AGBL1: variants seen among roughly 807,000 people sequenced by gnomAD.
The protein encoded by AGBL1 is AGBL carboxypeptidase 1, also known as cytosolic carboxypeptidase 4.
A neutral mutation model predicts 118.9 loss-of-function variants in AGBL1; 130 were observed. That is an observed-to-expected ratio of 1.09 (90% confidence interval 0.95 to 1.26). AGBL1 has a LOEUF of 1.26. AGBL1 is among the 50% of genes most tolerant of loss of function. The probability of loss-of-function intolerance (pLI) is 0.00; values close to 1 mark genes in which losing one functional copy is unlikely to be tolerated. For synonymous variants in AGBL1, 555 were observed against 478.9 expected (o/e 1.16, Z -2.08); for missense variants, 1,584 against 1,298.1 (o/e 1.22, Z -3.38).
At chr15:86,754,361 T>C (rs1052175646) in intron 22 of AGBL1, among the ~76,000 whole-genome samples, 3 of 152,102 alleles carry the variant, frequency 2.0e-5, no homozygotes, top group African/African-American at 7.2e-5. Flanking sequence ...AACTCAAGGG[T>C]ACCAAGGAAT....
rs566483857 is a variant in AGBL1, at chr15:86,171,442, CTA to C, written c.488+12418_488+12419del. ...TGGTATATTAACAATTAAATGTAGA[CTA>C]TGATAATTTGAAAACGTACACTAAA... On this transcript the variant is annotated intron_variant, in intron 5 of 22. Transcript: ENST00000614907. Among the ~76,000 whole-genome samples, 457 of 152,170 alleles carry C rather than the reference CTA, an allele frequency of 3.0e-3. 1 individual carries two copies. The highest frequency in any genetic ancestry group is 6.8e-3 in the Middle Eastern group (2 of 294).
At chr15:86,216,338 C>A (rs2078188582) in intron 5 of AGBL1, among the ~76,000 whole-genome samples, 2 of 151,974 alleles carry the variant, frequency 1.3e-5, no homozygotes, top group Non-Finnish European at 2.9e-5. Flanking sequence ...TATCTTATTT[C>A]TGATCTTAGG....
intron 22 of AGBL1, among the ~76,000 whole-genome samples, chr15:86,838,964 A>AAAG (rs1209213487): frequency 1.3e-5 from 2 of 150,078 alleles, no homozygotes; most frequent in East Asian, 3.9e-4. Flanking sequence ...AAAAAAAAAA[A>AAAG]AAGAAAGAAA....
At chr15:87,001,794 G>A (rs1387577072) in intron 24 of AGBL1, among the ~76,000 whole-genome samples, 2 of 152,058 alleles carry the variant, frequency 1.3e-5, no homozygotes, top group Non-Finnish European at 2.9e-5. Context: ...AGAAGTGTCT[G>A]TTCATATCCT....
chr15:86,082,160 G>A (rs558797512), intron 1 of AGBL1, among the ~76,000 whole-genome samples: 24 of 152,288 alleles, frequency 1.6e-4, no homozygotes, highest in South Asian at 1.0e-3. Flanking sequence ...ACTCTGAAAC[G>A]CTTTTTAAAA....
chr15:86,891,157 G>A (rs2080046775), intron 22 of AGBL1, among the ~76,000 whole-genome samples: 1 of 152,094 alleles, frequency 6.6e-6, no homozygotes, highest in Admixed American at 6.6e-5. Context: ...TTGTGAATGG[G>A]AGTTCGTTCA....
intron 1 of AGBL1, among the ~76,000 whole-genome samples, chr15:86,092,376 G>T (rs1018358319): frequency 1.1e-4 from 16 of 152,260 alleles, no homozygotes; most frequent in African/African-American, 3.8e-4. Flanking sequence ...GGGGATCTCA[G>T]TTGATCTCTA....
At chr15:86,541,949 C>T (rs139697928) in intron 19 of AGBL1, among the ~76,000 whole-genome samples, 22 of 152,256 alleles carry the variant, frequency 1.4e-4, no homozygotes, top group African/African-American at 4.1e-4. Context: ...TCATTAGAAA[C>T]GTGGGCAACA....
At chr15:86,728,881 G>A (rs2077492203) in intron 22 of AGBL1, among the ~76,000 whole-genome samples, 1 of 152,102 alleles carries the variant, frequency 6.6e-6, no homozygotes, top group Non-Finnish European at 1.5e-5. Context: ...TCCAGATTTA[G>A]TTTGCACTAG....
intron 22 of AGBL1, among the ~76,000 whole-genome samples, chr15:86,777,756 C>T (rs1567169265): frequency 1.3e-5 from 2 of 152,028 alleles, no homozygotes; most frequent in Middle Eastern, 3.2e-3. Context: ...TTGACAACAG[C>T]CATGTTACCT....
chr15:86,527,459 A>G (rs7173672), intron 19 of AGBL1, among the ~76,000 whole-genome samples: 11,025 of 152,264 alleles, frequency 0.072, 475 homozygotes, highest in African/African-American at 0.11. Flanking sequence ...TGAGCACTAA[A>G]TGCTGTTCAC....
At chr15:86,581,181 C>T (rs542015840) in intron 21 of AGBL1, among the ~76,000 whole-genome samples, 5 of 152,116 alleles carry the variant, frequency 3.3e-5, no homozygotes, top group East Asian at 1.9e-4. Context: ...TCATGGTCAA[C>T]GTGAGAAGTT....
intron 16 of AGBL1, among the ~76,000 whole-genome samples, chr15:86,287,039 A>AGAG (rs1188599548): frequency 6.6e-6 from 1 of 152,076 alleles, no homozygotes; most frequent in African/African-American, 2.4e-5. Flanking sequence ...TTTGATAATA[A>AGAG]CCAATCTAAC....
intron 18 of AGBL1, among the ~76,000 whole-genome samples, chr15:86,459,474 T>C (rs371733979): frequency 7.9e-5 from 12 of 152,220 alleles, no homozygotes; most frequent in African/African-American, 2.9e-4. Context: ...TTATTCAATA[T>C]GCTTATATCA....
At chr15:86,931,384 T>C (rs1042966300) in intron 23 of AGBL1, among the ~76,000 whole-genome samples, 1 of 152,198 alleles carries the variant, frequency 6.6e-6, no homozygotes, top group Non-Finnish European at 1.5e-5. Flanking sequence ...TGATTCTCCT[T>C]GCTTGGCGCC....
intron 5 of AGBL1, among the ~76,000 whole-genome samples, chr15:86,216,496 T>C (rs2078191092): frequency 6.6e-6 from 1 of 152,230 alleles, no homozygotes; most frequent in African/African-American, 2.4e-5. Flanking sequence ...CAAATACTTT[T>C]CCTGCGTGTT....
intron 5 of AGBL1, among the ~76,000 whole-genome samples, chr15:86,169,560 A>T (rs2077386869): frequency 6.6e-6 from 1 of 152,170 alleles, no homozygotes; most frequent in African/African-American, 2.4e-5. Flanking sequence ...CTTCATATAA[A>T]ATATTGCAAT....
At chr15:86,399,463 G>C (rs1175712227) in intron 18 of AGBL1, among the ~76,000 whole-genome samples, 1 of 152,140 alleles carries the variant, frequency 6.6e-6, no homozygotes, top group Non-Finnish European at 1.5e-5. Context: ...GTAGAGAATG[G>C]AAAGAGCCCT....
intron 22 of AGBL1, among the ~76,000 whole-genome samples, chr15:86,801,643 T>C (rs979519405): frequency 5.9e-5 from 9 of 152,128 alleles, no homozygotes; most frequent in African/African-American, 2.2e-4. Context: ...TCTAGATCTG[T>C]TTAACCTTCA....
Sources: allele counts gnomAD v4.1 joint callset (sites outside exome capture counted in the v4.1 genomes callset), GRCh38; gene constraint gnomAD v4.1.1; transcripts MANE v1.5; gene names NCBI Gene and HGNC (gene_info 2026-07-23, HGNC 2026-07-21).